PDE8B: variants seen among roughly 807,000 people sequenced by gnomAD.
PDE8B encodes the protein high affinity cAMP-specific and IBMX-insensitive 3',5'-cyclic phosphodiesterase 8B.
PDE8B carries 26 observed loss-of-function variants against 101.3 expected under a neutral mutation model. That is an observed-to-expected ratio of 0.26 (90% CI 0.19 to 0.36). The LOEUF is 0.36. Among genes scored for constraint, PDE8B ranks in the 10% least tolerant of loss-of-function variants. The pLI, the probability that PDE8B is intolerant of heterozygous loss-of-function variation, is 1.00. For synonymous variants in PDE8B, 424 were observed against 429.3 expected, an observed-to-expected ratio of 0.99 and a Z score of 0.15; for missense variants, 810 against 1,163.1, an observed-to-expected ratio of 0.70 and a Z score of 4.42.
At chr5:77,146,531 G>A in the PDE8B span, 8 of 177,144 alleles carry the variant, frequency 4.5e-5, no homozygotes, top group South Asian at 7.7e-4. Context: ...GTGGGTACTG[G>A]AAAGCTCTGT....
chr5:77,293,106 T>C (rs1032597632), intron 1 of PDE8B, among the ~76,000 whole-genome samples: 5 of 152,208 alleles, frequency 3.3e-5, no homozygotes, highest in Non-Finnish European at 4.4e-5. Context: ...TATCCATTAC[T>C]TTCTCACTGA....
rs1259414456 is a variant in PDE8B at position 77,260,984 on chromosome 5, G to A, written c.339+49720G>A. The stretch of plus-strand genomic sequence containing the variant: ...GAATTATGATGACTGTTCTAATACC[G>A]GCTGAAGATGGAAGAACAAATTGGG... On this transcript the variant is annotated intron_variant, in intron 1 of 21. Transcript: ENST00000264917. Among the ~76,000 whole-genome samples the A allele has an allele frequency of 4.6e-5, 7 of 152,046 alleles. No homozygotes were observed. In the South Asian group the frequency reaches 6.2e-4, roughly 14 times the overall value.
At chr5:77,424,010 G>A (rs1797338712) in intron 20 of PDE8B, among the ~76,000 whole-genome samples, 1 of 152,004 alleles carries the variant, frequency 6.6e-6, no homozygotes, top group Non-Finnish European at 1.5e-5. Flanking sequence ...ATGAAATCCA[G>A]TAAGTAGACT....
the PDE8B span, among the ~76,000 whole-genome samples, chr5:77,176,271 T>A: frequency 3.7e-4 from 57 of 152,274 alleles, no homozygotes; most frequent in Non-Finnish European, 6.3e-4. Context: ...AAGTTGGTTT[T>A]GTTGCCCTTT....
intron 1 of PDE8B, among the ~76,000 whole-genome samples, chr5:77,235,572 A>G (rs1754492174): frequency 6.6e-6 from 1 of 152,196 alleles, no homozygotes; most frequent in Non-Finnish European, 1.5e-5. Flanking sequence ...GAATACAAAC[A>G]AGGTCCTTAC....
intron 1 of PDE8B, among the ~76,000 whole-genome samples, chr5:77,218,521 G>T (rs1394393766): frequency 6.6e-6 from 1 of 152,226 alleles, no homozygotes; most frequent in Admixed American, 6.5e-5. Context: ...AGCCCTAAGT[G>T]TGGCTGGTCC....
At chr5:77,308,824 G>A (rs114747552) in intron 1 of PDE8B, among the ~76,000 whole-genome samples, 494 of 152,130 alleles carry the variant, frequency 3.2e-3, no homozygotes, top group Middle Eastern at 0.021. Context: ...GCCCTTCCCC[G>A]CCAGCCCACC....
At chr5:77,280,522 G>C (rs1764755096) in intron 1 of PDE8B, among the ~76,000 whole-genome samples, 1 of 152,232 alleles carries the variant, frequency 6.6e-6, no homozygotes, top group Non-Finnish European at 1.5e-5. Flanking sequence ...TTGCAAAAAT[G>C]ACCTGGCAAT....
chr5:77,413,405 C>T, intron 17 of PDE8B, 96 bp downstream of exon 17: 1 of 1,096,582 alleles, frequency 9.1e-7, no homozygotes, highest in Admixed American at 2.2e-5. Context: ...TATTTTGCAA[C>T]CAAGTTGACA....
the PDE8B span, among the ~76,000 whole-genome samples, chr5:77,193,840 A>G: frequency 8.3e-5 from 12 of 145,360 alleles, no homozygotes; most frequent in South Asian, 2.1e-4. Flanking sequence ...AAATTTCTCT[A>G]TCAGTGTTTT....
chr5:77,268,230 T>G (rs542885862), intron 1 of PDE8B, among the ~76,000 whole-genome samples: 14 of 152,254 alleles, frequency 9.2e-5, no homozygotes, highest in African/African-American at 3.4e-4. Flanking sequence ...ATTTTTAATT[T>G]TTGTGGGTAT....
intron 2 of PDE8B, among the ~76,000 whole-genome samples, chr5:77,319,821 G>T (rs1411747472): frequency 6.6e-6 from 1 of 152,212 alleles, no homozygotes. Context: ...AAAGTTAGGA[G>T]TATGACAATT....
chr5:77,299,519 G>A (rs571732471), intron 1 of PDE8B, among the ~76,000 whole-genome samples: 12 of 148,110 alleles, frequency 8.1e-5, no homozygotes, highest in Admixed American at 4.1e-4. Flanking sequence ...GAGAACATGC[G>A]GTATTTGGTT....
chr5:77,278,522 T>C (rs936828473), intron 1 of PDE8B, among the ~76,000 whole-genome samples: 1 of 152,174 alleles, frequency 6.6e-6, no homozygotes, highest in South Asian at 2.1e-4. Context: ...CTGGCTGGAG[T>C]GCAGTGGCGC....
the PDE8B span, among the ~76,000 whole-genome samples, chr5:77,091,977 A>G: frequency 2.6e-5 from 4 of 152,354 alleles, no homozygotes; most frequent in African/African-American, 9.6e-5. Context: ...CCAGTATGAC[A>G]GTAAGACATA....
intron 15 of PDE8B, 48 bp from the exon 16 acceptor site, chr5:77,412,052 C>G (rs1208271328): frequency 5.8e-5 from 93 of 1,608,264 alleles, no homozygotes; most frequent in Non-Finnish European, 7.8e-5. Flanking sequence ...CCCGGGCACT[C>G]AAGATTCCAC....
chr5:77,097,584 A>G, the PDE8B span, among the ~76,000 whole-genome samples: 1 of 144,584 alleles, frequency 6.9e-6, no homozygotes, highest in Non-Finnish European at 1.5e-5. Flanking sequence ...TCTGGAGGAC[A>G]GTATCTCATG....
chr5:77,389,201 A>T (rs1789379201), intron 10 of PDE8B, among the ~76,000 whole-genome samples: 1 of 152,154 alleles, frequency 6.6e-6, no homozygotes, highest in Non-Finnish European at 1.5e-5. Context: ...CTGGTGGCAT[A>T]GGCACCAGAG....
the PDE8B span, among the ~76,000 whole-genome samples, chr5:77,103,670 A>G: frequency 6.6e-6 from 1 of 152,184 alleles, no homozygotes; most frequent in Admixed American, 6.5e-5. Context: ...AACTGTGTGC[A>G]TGTGGGGAAG....
Sources: allele counts gnomAD v4.1 joint callset (sites outside exome capture counted in the v4.1 genomes callset), GRCh38; gene constraint gnomAD v4.1.1; transcripts MANE v1.5; gene names NCBI Gene and HGNC (gene_info 2026-07-23, HGNC 2026-07-21).